The following LRBA variants were observed in gnomAD, a reference collection of about 807,000 sequenced individuals.
The protein encoded by LRBA is LPS responsive beige-like anchor protein.
In LRBA, 176 loss-of-function variants were observed where a neutral mutation model predicts 330.0. The observed-to-expected ratio is 0.53, with a 90% CI of 0.47 to 0.60. The LOEUF (loss-of-function observed/expected upper bound fraction) is 0.60. Among genes scored for constraint, LRBA ranks in the 20% least tolerant of loss-of-function variants. LRBA has a pLI of 0.00. For synonymous variants in LRBA, 1,230 were observed against 1,193.0 expected, an observed-to-expected ratio of 1.03 and a Z score of -0.64; for missense variants, 3,259 against 3,444.8, an observed-to-expected ratio of 0.95 and a Z score of 1.35.
intron 55 of LRBA, among the ~76,000 whole-genome samples, chr4:150,278,504 T>C (rs1385177036): frequency 6.6e-6 from 1 of 152,174 alleles, no homozygotes; most frequent in Non-Finnish European, 1.5e-5. Context: ...AAGAAGACTT[T>C]GTAGAGAGCT....
intron 56 of LRBA, among the ~76,000 whole-genome samples, chr4:150,272,018 C>T (rs1422194224): frequency 6.6e-6 from 1 of 152,196 alleles, no homozygotes; most frequent in Non-Finnish European, 1.5e-5. Flanking sequence ...TGCTAATGGT[C>T]AAACTGCCTC....
intron 35 of LRBA, among the ~76,000 whole-genome samples, chr4:150,740,692 C>A (rs1391537756): frequency 2.0e-5 from 3 of 149,628 alleles, no homozygotes; most frequent in African/African-American, 7.4e-5. Context: ...ATACCATGTT[C>A]ATGAAAGGGA....
chr4:150,597,722 CAA>C (rs1304171878), intron 38 of LRBA, among the ~76,000 whole-genome samples: 1 of 151,002 alleles, frequency 6.6e-6, no homozygotes, highest in East Asian at 1.9e-4. Flanking sequence ...AAAAAACACA[CAA>C]AAAAAGAAAA....
intron 44 of LRBA, among the ~76,000 whole-genome samples, chr4:150,458,713 C>T (rs1754387883): frequency 6.6e-6 from 1 of 151,398 alleles, no homozygotes; most frequent in African/African-American, 2.4e-5. Flanking sequence ...TATGATTATT[C>T]ACTTTCCATA....
At chr4:150,412,763 T>C (rs1747185750) in intron 47 of LRBA, among the ~76,000 whole-genome samples, 2 of 151,792 alleles carry the variant, frequency 1.3e-5, no homozygotes, top group Admixed American at 6.6e-5. Context: ...TGAGAAAAAG[T>C]GTGTCAATAA....
intron 42 of LRBA, among the ~76,000 whole-genome samples, chr4:150,480,606 T>C (rs908366582): frequency 6.6e-6 from 1 of 152,280 alleles, no homozygotes; most frequent in East Asian, 1.9e-4. Context: ...CATGTACAGA[T>C]GTAATAAGCA....
chr4:150,459,148 C>T (rs964537158), intron 44 of LRBA, among the ~76,000 whole-genome samples: 3 of 151,746 alleles, frequency 2.0e-5, no homozygotes, highest in South Asian at 2.1e-4. Flanking sequence ...GCTTAGCTGC[C>T]GCAGTTCTAA....
intron 34 of LRBA, among the ~76,000 whole-genome samples, chr4:150,796,758 A>G (rs908898630): frequency 5.3e-5 from 8 of 151,986 alleles, no homozygotes; most frequent in African/African-American, 1.9e-4. Flanking sequence ...TGAAATAATT[A>G]TATCACTATG....
At chr4:150,337,249 CAG>C (rs1269714239) in intron 48 of LRBA, among the ~76,000 whole-genome samples, 1 of 152,050 alleles carries the variant, frequency 6.6e-6, no homozygotes, top group African/African-American at 2.4e-5. Context: ...TGAAAGGAAA[CAG>C]GGGTTCATGA....
chr4:150,673,694 T>C (rs1423673373), intron 37 of LRBA, among the ~76,000 whole-genome samples: 2 of 152,202 alleles, frequency 1.3e-5, no homozygotes, highest in East Asian at 3.8e-4. Context: ...CCTTTATCTA[T>C]ATTTATTGAC....
chr4:150,494,557 T>G (rs1759342852), intron 40 of LRBA, among the ~76,000 whole-genome samples: 1 of 152,226 alleles, frequency 6.6e-6, no homozygotes, highest in Non-Finnish European at 1.5e-5. Context: ...TTACAAGATT[T>G]TTCATGTACT....
At chr4:150,926,806 C>A (rs1002261259) in intron 4 of LRBA, among the ~76,000 whole-genome samples, 1 of 152,148 alleles carries the variant, frequency 6.6e-6, no homozygotes, top group African/African-American at 2.4e-5. Flanking sequence ...GGCATGGTGG[C>A]TTATGCCTGT....
At chr4:150,458,208 C>T (rs571435571) in intron 44 of LRBA, among the ~76,000 whole-genome samples, 12 of 151,846 alleles carry the variant, frequency 7.9e-5, no homozygotes, top group Non-Finnish European at 1.3e-4. Context: ...ATGTAAGTTT[C>T]GAAACACAGC....
intron 2 of LRBA, among the ~76,000 whole-genome samples, chr4:150,942,511 T>C (rs1561036425): frequency 6.6e-6 from 1 of 152,210 alleles, no homozygotes; most frequent in Non-Finnish European, 1.5e-5. Flanking sequence ...ACACATCATA[T>C]TACCAATACA....
intron 29 of LRBA, 66 bp downstream of exon 29, chr4:150,831,751 T>A: frequency 8.1e-7 from 1 of 1,236,040 alleles, no homozygotes; most frequent in Non-Finnish European, 1.1e-6. Context: ...ATCAATATTT[T>A]AACCATCAAA....
At chr4:150,270,657 A>C (rs1745951864) in intron 56 of LRBA, among the ~76,000 whole-genome samples, 1 of 152,234 alleles carries the variant, frequency 6.6e-6, no homozygotes, top group African/African-American at 2.4e-5. Flanking sequence ...AAAAGAGTTT[A>C]GATGGAAAAT....
intron 37 of LRBA, among the ~76,000 whole-genome samples, chr4:150,641,081 G>A (rs917728504): frequency 6.6e-5 from 10 of 151,908 alleles, no homozygotes; most frequent in African/African-American, 2.4e-4. Context: ...TCTTTTGTCC[G>A]TCTGGAATTC....
chr4:150,627,881 T>G (rs1247134205), intron 37 of LRBA, among the ~76,000 whole-genome samples: 2 of 152,066 alleles, frequency 1.3e-5, no homozygotes, highest in Admixed American at 6.5e-5. Context: ...TGACCCTCTT[T>G]GAAGTCAACT....
At chr4:150,453,434 T>C (rs1221265073) in intron 44 of LRBA, among the ~76,000 whole-genome samples, 2 of 152,140 alleles carry the variant, frequency 1.3e-5, no homozygotes, top group African/African-American at 2.4e-5. Context: ...TTCTAACAAA[T>C]GGTGTTAGAA....
Sources: allele counts gnomAD v4.1 joint callset (sites outside exome capture counted in the v4.1 genomes callset), GRCh38; gene constraint gnomAD v4.1.1; transcripts MANE v1.5; gene names NCBI Gene and HGNC (gene_info 2026-07-23, HGNC 2026-07-21).